CGB8: variants seen among roughly 807,000 people sequenced by gnomAD.
CGB8 encodes chorionic gonadotropin, beta polypeptide 8.
CGB8 carries 2 observed loss-of-function variants against 7.6 expected under a neutral mutation model. The observed-to-expected ratio is 0.26, with a 90% CI of 0.11 to 0.83. The LOEUF (loss-of-function observed/expected upper bound fraction) is 0.83, where lower values mean the gene tolerates loss of function less well. Among genes scored for constraint, CGB8 ranks in the 40% least tolerant of loss-of-function variants. CGB8 has a pLI of 0.65. For synonymous variants in CGB8, 8 were observed against 91.5 expected (o/e 0.09, Z 5.21); for missense variants, 16 against 208.2 (o/e 0.08, Z 5.68).
intron 1 of CGB8, 119 bp downstream of exon 1, chr19:49,048,606 T>A (rs2039962294): frequency 2.5e-6 from 4 of 1,606,274 alleles, no homozygotes; most frequent in Non-Finnish European, 3.4e-6. Flanking sequence ...TGAAGCTTAC[T>A]GGGGGTCACG....
Position 49,048,812 on chromosome 19 carries a change from G to T in CGB8, c.-73C>A. 6.2e-7 allele frequency: 1 copy of T among 1,612,234 alleles called. No homozygotes were observed. The highest frequency in any genetic ancestry group is 8.5e-7 in the Non-Finnish European group (1 of 1,179,534). On this transcript the variant is annotated 5_prime_UTR_variant, in exon 1 of 3. Coordinates refer to ENST00000448456, the MANE Select transcript of CGB8 (RefSeq NM_033183.3). ...TGTGGGGGCGGCAAGGCCACCAGGAGGTTGTAGGATGCTGGAGTGAGCTCG... is the reference window on the plus strand; with the variant it reads ...TGTGGGGGCGGCAAGGCCACCAGGATGTTGTAGGATGCTGGAGTGAGCTCG...
At position 49,048,361 on chromosome 19, in the gene CGB8, C is replaced by G; in HGVS notation, c.27G>C (p.Leu9=). The change falls in exon 2 of 3, where the codon CTG becomes CTC. Residue 9 remains leucine (L), a synonymous_variant. Coordinates refer to ENST00000448456, the MANE Select transcript of CGB8 (RefSeq NM_033183.3). The part of the protein sequence containing the change: MEMFQGLL[L]LLLLSMGGTW... ...TCCCGCCCATGCTCAGCAGCAGCAA[C>G]AGCAGCAGCCCCTGGGACAAGGACA... 1 of 1,594,794 alleles carries G rather than the reference C, an allele frequency of 6.3e-7. No individual in the cohort carries two copies.
intron 1 of CGB8, among the ~76,000 whole-genome samples, 154 bp downstream of exon 1, chr19:49,048,571 C>T (rs13345575): frequency 6.7e-6 from 1 of 149,900 alleles, no homozygotes; most frequent in African/African-American, 2.5e-5. Context: ...CATTTCAGAT[C>T]CCCACCTTCA....
rs3179074 is a variant in CGB8 at position 49,048,748 on chromosome 19, T to C, written c.-9A>G. 541 of 1,609,494 alleles carry C rather than the reference T, an allele frequency of 3.4e-4. 5 individuals are homozygous for C. In the East Asian group the frequency reaches 5.0e-3, roughly 15 times the overall value. ...ACCTGGAACATCTCCATCCTTGGTG[T>C]GTCCCCTGCCTCGTGTACCTGGCTT... is the stretch of plus-strand genomic sequence containing the variant. On this transcript the variant is annotated 5_prime_UTR_variant, in exon 1 of 3. Coordinates refer to ENST00000448456, the MANE Select transcript of CGB8 (RefSeq NM_033183.3).
At position 49,048,986 on chromosome 19, in the gene CGB8, G is replaced by C. The variant is rs373833236; in HGVS notation, c.-247C>G. 150 of 1,386,536 alleles carry C rather than the reference G, an allele frequency of 1.1e-4. No homozygotes were observed. Among genetic ancestry groups the C allele is most frequent in the Middle Eastern group, 5.4e-4 (2 of 3,712 alleles). 85.9% of individuals were successfully genotyped at this position (1,386,536 alleles called of 1,614,324 possible). ...AAGTGACCTCAGAGACTCAGTCGTC[G>C]AGTGCTAGGGACTAGTCGAGCCTGG... On this transcript the variant is annotated 5_prime_UTR_variant, in exon 1 of 3. Transcript: ENST00000448456.
chr19:49,048,765 AC>A lies in CGB8; in HGVS notation c.-27del, dbSNP rs905895150. The A allele has an allele frequency of 6.2e-7, 1 of 1,612,854 alleles. No individual in the cohort carries two copies. The highest frequency in any genetic ancestry group is 1.4e-5 in the African/African-American group (1 of 74,044). ...CCTTGGTGTGTCCCCTGCCTCGTGTACCTGGCTTTAAACCTCGGGGTTGTGG... is the reference window on the plus strand; with the variant it reads ...CCTTGGTGTGTCCCCTGCCTCGTGTACTGGCTTTAAACCTCGGGGTTGTGG... On this transcript the variant is annotated 5_prime_UTR_variant, in exon 1 of 3. Transcript: ENST00000448456.
intron 1 of CGB8, 114 bp from the exon 2 acceptor site, chr19:49,048,486 C>T: frequency 6.3e-7 from 1 of 1,587,508 alleles, no homozygotes; most frequent in Non-Finnish European, 8.5e-7. Context: ...CCGGCATCTC[C>T]TATTCAGGAC....
Position 49,048,781 on chromosome 19 carries a change from C to T in CGB8, c.-42G>A, listed in dbSNP as rs755157129. 12 of 1,612,736 alleles carry T rather than the reference C, an allele frequency of 7.4e-6. No individual in the cohort carries two copies. The highest frequency in any genetic ancestry group is 2.7e-5 in the African/African-American group (2 of 73,904). On this transcript the variant is annotated 5_prime_UTR_variant, in exon 1 of 3. Transcript: ENST00000448456. ...GCCTCGTGTACCTGGCTTTAAACCT[C>T]GGGGTTGTGGGGGCGGCAAGGCCAC...
At position 49,048,744 on chromosome 19, in the gene CGB8, G is replaced by C. The variant is rs369852403; in HGVS notation, c.-5C>G. 13 of 1,613,214 alleles carry C rather than the reference G, an allele frequency of 8.1e-6. No individual in the cohort carries two copies. In the South Asian group the frequency reaches 1.4e-4, roughly 18 times the overall value. ...TCTTACCTGGAACATCTCCATCCTTGGTGTGTCCCCTGCCTCGTGTACCTG... is the reference window on the plus strand; with the variant it reads ...TCTTACCTGGAACATCTCCATCCTTCGTGTGTCCCCTGCCTCGTGTACCTG... On this transcript the variant is annotated 5_prime_UTR_variant, in exon 1 of 3. Coordinates refer to ENST00000448456, the MANE Select transcript of CGB8 (RefSeq NM_033183.3).
chr19:49,048,827 G>A lies in CGB8; in HGVS notation c.-88C>T. The A allele has an allele frequency of 4.3e-6, 7 of 1,610,770 alleles. No homozygotes were observed. Among genetic ancestry groups the A allele is most frequent in the Non-Finnish European group, 5.1e-6 (6 of 1,178,476 alleles). ...GCCACCAGGAGGTTGTAGGATGCTG[G>A]AGTGAGCTCGACACTAACCCTTCGG... On this transcript the variant is annotated 5_prime_UTR_variant, in exon 1 of 3. Transcript: ENST00000448456.
In CGB8 at chr19:49,048,762, T is replaced by G. The variant is rs1437360199; in HGVS notation, c.-23A>C. The G allele has an allele frequency of 6.2e-7, 1 of 1,613,070 alleles. No homozygotes were observed. Among genetic ancestry groups the G allele is most frequent in the African/African-American group, 1.3e-5 (1 of 74,242 alleles). On this transcript the variant is annotated 5_prime_UTR_variant, in exon 1 of 3. Coordinates refer to ENST00000448456, the MANE Select transcript of CGB8 (RefSeq NM_033183.3). ...CATCCTTGGTGTGTCCCCTGCCTCG[T>G]GTACCTGGCTTTAAACCTCGGGGTT...
At position 49,048,957 on chromosome 19, in the gene CGB8, G is replaced by A. The variant is rs544044327; in HGVS notation, c.-218C>T. On this transcript the variant is annotated 5_prime_UTR_variant, in exon 1 of 3. Coordinates refer to ENST00000448456, the MANE Select transcript of CGB8 (RefSeq NM_033183.3). ...GCGCCAAGGGTGAGGCGGAGACCAC[G>A]GTGAAGTGACCTCAGAGACTCAGTC... The A allele has an allele frequency of 3.0e-4, 419 of 1,390,994 alleles. 3 individuals carry two copies. The East Asian group carries it at 9.7e-3, about 32-fold the overall frequency. The allele number at this position is 1,390,994 out of a possible 1,614,324, so 86.2% of individuals were successfully genotyped here.
chr19:49,048,810 G>A lies in CGB8; in HGVS notation c.-71C>T. The stretch of plus-strand genomic sequence containing the variant: ...GTTGTGGGGGCGGCAAGGCCACCAG[G>A]AGGTTGTAGGATGCTGGAGTGAGCT... On this transcript the variant is annotated 5_prime_UTR_variant, in exon 1 of 3. Transcript: ENST00000448456. 1 of 1,612,350 alleles carries A rather than the reference G, an allele frequency of 6.2e-7. No individual in the cohort carries two copies. Among genetic ancestry groups the A allele is most frequent in the South Asian group, 1.1e-5 (1 of 91,062 alleles).
At chr19:49,048,613 C>T in intron 1 of CGB8, 112 bp downstream of exon 1, 1 of 1,606,576 alleles carries the variant, frequency 6.2e-7, no homozygotes. Context: ...TACTGGGGGT[C>T]ACGCTCCTCC....
chr19:49,049,090 G>C lies in CGB8; in HGVS notation c.-351C>G. The C allele has an allele frequency of 1.7e-6, 2 of 1,204,050 alleles. No homozygotes were observed. Among genetic ancestry groups the C allele is most frequent in the Non-Finnish European group, 2.1e-6 (2 of 956,416 alleles). The allele number at this position is 1,204,050 out of a possible 1,614,324, so 74.6% of individuals were successfully genotyped here. A position where few individuals can be genotyped will look rare whatever the true frequency, so the allele number is the denominator to read the frequency against. ...GGGAGCCAGGAGGAGGCCGTGACCC[G>C]AGAAAGGTGCTGGACTGAAGCCTCA... On this transcript the variant is annotated 5_prime_UTR_variant, in exon 1 of 3. Coordinates refer to ENST00000448456, the MANE Select transcript of CGB8 (RefSeq NM_033183.3).
In CGB8 at chr19:49,049,034, G is replaced by A; in HGVS notation, c.-295C>T. 2 of 1,285,928 alleles carry A rather than the reference G, an allele frequency of 1.6e-6. No homozygotes were observed. Among genetic ancestry groups the A allele is most frequent in the Non-Finnish European group, 2.0e-6 (2 of 994,894 alleles). The allele number at this position is 1,285,928 out of a possible 1,614,324, so 79.7% of individuals were successfully genotyped here. A position where few individuals can be genotyped will look rare whatever the true frequency, so the allele number is the denominator to read the frequency against. On this transcript the variant is annotated 5_prime_UTR_variant, in exon 1 of 3. Coordinates refer to ENST00000448456, the MANE Select transcript of CGB8 (RefSeq NM_033183.3). Reference sequence around the variant, plus strand: ...TGGAGGCACAGGGAGTAGGGTGTAGGAAGGCCTGCCTCTGCCTATGGTGGG... The same window carrying A: ...TGGAGGCACAGGGAGTAGGGTGTAGAAAGGCCTGCCTCTGCCTATGGTGGG...
In CGB8 at chr19:49,048,761, G is replaced by T. The variant is rs3179073; in HGVS notation, c.-22C>A. The T allele has an allele frequency of 6.2e-7, 1 of 1,613,072 alleles. No individual in the cohort carries two copies. The highest frequency in any genetic ancestry group is 8.5e-7 in the Non-Finnish European group (1 of 1,179,850). On this transcript the variant is annotated 5_prime_UTR_variant, in exon 1 of 3. Coordinates refer to ENST00000448456, the MANE Select transcript of CGB8 (RefSeq NM_033183.3). ...CCATCCTTGGTGTGTCCCCTGCCTC[G>T]TGTACCTGGCTTTAAACCTCGGGGT...
intron 1 of CGB8, 128 bp from the exon 2 acceptor site, chr19:49,048,500 C>G: frequency 6.5e-7 from 1 of 1,545,054 alleles, no homozygotes; most frequent in Middle Eastern, 2.3e-4. Flanking sequence ...TCAGGACCCA[C>G]CACCCGGACA....
chr19:49,048,646 C>T, intron 1 of CGB8, 79 bp downstream of exon 1: 1 of 1,611,588 alleles, frequency 6.2e-7, no homozygotes. Flanking sequence ...CCTTCCACAG[C>T]TCACACTGGT....
Sources: allele counts gnomAD v4.1 joint callset (sites outside exome capture counted in the v4.1 genomes callset), GRCh38; gene constraint gnomAD v4.1.1; transcripts MANE v1.5; gene names NCBI Gene and HGNC (gene_info 2026-07-23, HGNC 2026-07-21).